The following ADAMTS19 variants were observed in gnomAD, a reference collection of about 807,000 sequenced individuals.
ADAMTS19 encodes the protein ADAM metallopeptidase with thrombospondin type 1 motif 19, also known as A disintegrin and metalloproteinase with thrombospondin motifs 19.
In ADAMTS19, 93 loss-of-function variants were observed where a neutral mutation model predicts 153.3. The observed-to-expected ratio is 0.61, with a 90% CI of 0.51 to 0.72. The LOEUF (loss-of-function observed/expected upper bound fraction) is 0.72. Ranked by LOEUF, ADAMTS19 falls within the 30% of genes least tolerant of loss-of-function variation. The pLI, the probability that ADAMTS19 is intolerant of heterozygous loss-of-function variation, is 0.00. For missense variants in ADAMTS19, 1,482 were observed against 1,552.1 expected, an observed-to-expected ratio of 0.95 and a Z score of 0.76; for synonymous variants, 600 against 556.6, an observed-to-expected ratio of 1.08 and a Z score of -1.10.
At chr5:129,465,210 C>T (rs1749813220) in intron 2 of ADAMTS19, among the ~76,000 whole-genome samples, 1 of 151,676 alleles carries the variant, frequency 6.6e-6, no homozygotes, top group Non-Finnish European at 1.5e-5. Context: ...CTTTATGCTA[C>T]TTTAAAATCA....
chr5:129,650,553 C>T (rs544802499), intron 13 of ADAMTS19, among the ~76,000 whole-genome samples: 7 of 152,256 alleles, frequency 4.6e-5, no homozygotes, highest in Admixed American at 2.0e-4. Flanking sequence ...GTTAGCCTAA[C>T]GTAGGATACT....
intron 21 of ADAMTS19, among the ~76,000 whole-genome samples, chr5:129,727,134 A>G (rs1757240612): frequency 6.6e-6 from 1 of 152,212 alleles, no homozygotes; most frequent in African/African-American, 2.4e-5. Flanking sequence ...GGCATGGAAT[A>G]TAATAGGTAT....
intron 2 of ADAMTS19, among the ~76,000 whole-genome samples, chr5:129,465,558 AT>A (rs1361924501): frequency 6.6e-6 from 1 of 152,092 alleles, no homozygotes; most frequent in Non-Finnish European, 1.5e-5. Flanking sequence ...AAATTCAATT[AT>A]TTTTTATCTT....
chr5:129,587,304 A>G (rs1749858526), intron 7 of ADAMTS19, among the ~76,000 whole-genome samples: 1 of 150,866 alleles, frequency 6.6e-6, no homozygotes, highest in Non-Finnish European at 1.5e-5. Context: ...TGCATCTTTT[A>G]TCAATTTTGT....
intron 3 of ADAMTS19, among the ~76,000 whole-genome samples, chr5:129,511,193 G>A (rs1414795446): frequency 7.2e-5 from 11 of 151,892 alleles, no homozygotes; most frequent in African/African-American, 2.7e-4. Context: ...TATTAAGTTT[G>A]CTTGTCTTCA....
rs181587249 is a variant in ADAMTS19, at chr5:129,534,409, C to A, written c.1328+5732C>A. On this transcript the variant is annotated intron_variant, in intron 6 of 22. Transcript: ENST00000274487. ...AATCTCTGAATAGACCAATAACAGGCTCTGAAATTGAGGCAATAATTAATA... is the reference window on the plus strand; with the variant it reads ...AATCTCTGAATAGACCAATAACAGGATCTGAAATTGAGGCAATAATTAATA... Among the ~76,000 whole-genome samples, 678 of 152,166 alleles carry A rather than the reference C, an allele frequency of 4.5e-3. 6 individuals are homozygous for A. The highest frequency in any genetic ancestry group is 0.015 in the African/African-American group (628 of 41,504).
intron 21 of ADAMTS19, among the ~76,000 whole-genome samples, chr5:129,709,203 T>C (rs1756321933): frequency 6.6e-6 from 1 of 152,138 alleles, no homozygotes; most frequent in Admixed American, 6.5e-5. Flanking sequence ...TTTATGTTAA[T>C]GGGAATTCTA....
At chr5:129,492,295 G>C (rs867659134) in intron 2 of ADAMTS19, among the ~76,000 whole-genome samples, 11 of 152,208 alleles carry the variant, frequency 7.2e-5, no homozygotes, top group African/African-American at 2.6e-4. Context: ...CGAGAAATCT[G>C]ACCCCATGAT....
chr5:129,586,286 T>C (rs1232102105), intron 7 of ADAMTS19, among the ~76,000 whole-genome samples: 7 of 152,150 alleles, frequency 4.6e-5, no homozygotes, highest in Non-Finnish European at 7.4e-5. Context: ...TCATATAGAG[T>C]AGTTTCTCTG....
At chr5:129,510,061 A>T (rs1402049245) in intron 3 of ADAMTS19, among the ~76,000 whole-genome samples, 1 of 151,944 alleles carries the variant, frequency 6.6e-6, no homozygotes, top group Non-Finnish European at 1.5e-5. Context: ...CTGATCTAAG[A>T]AATATTTCCA....
In ADAMTS19 at chr5:129,475,233, T is replaced by C. The variant is rs572879503; in HGVS notation, c.747+13476T>C. On this transcript the variant is annotated intron_variant, in intron 2 of 22. Coordinates refer to ENST00000274487, the MANE Select transcript of ADAMTS19 (RefSeq NM_133638.6). ...TAATTTAAAGTTTTACATTCAATCC[T>C]ATGATTCATTAGCTTTTGTGTATGG... is the stretch of plus-strand genomic sequence containing the variant. Among the ~76,000 whole-genome samples, 7 of 152,306 alleles carry C rather than the reference T, an allele frequency of 4.6e-5. No homozygotes were observed. In the East Asian group the frequency reaches 1.2e-3, roughly 25 times the overall value.
intron 21 of ADAMTS19, among the ~76,000 whole-genome samples, chr5:129,728,125 A>G (rs1757282990): frequency 1.3e-5 from 2 of 152,184 alleles, no homozygotes; most frequent in East Asian, 3.9e-4. Context: ...GCTAAAAGAC[A>G]CTCCCACCAG....
chr5:129,641,275 G>A (rs27909), intron 10 of ADAMTS19, among the ~76,000 whole-genome samples: 25,019 of 151,790 alleles, frequency 0.16, 2,311 homozygotes, highest in East Asian at 0.31. Flanking sequence ...TAACATTTCC[G>A]TAGAAAAAAT....
intron 3 of ADAMTS19, among the ~76,000 whole-genome samples, chr5:129,524,697 A>C (rs1253378660): frequency 6.6e-6 from 1 of 151,850 alleles, no homozygotes; most frequent in Non-Finnish European, 1.5e-5. Context: ...GAAGTGGCAC[A>C]GCACATGTAC....
chr5:129,608,425 A>C (rs1751034674), intron 8 of ADAMTS19, among the ~76,000 whole-genome samples: 1 of 151,984 alleles, frequency 6.6e-6, no homozygotes, highest in African/African-American at 2.4e-5. Flanking sequence ...AATGTACAGC[A>C]TGATGACTAT....
chr5:129,683,901 AG>A (rs1754943199), intron 17 of ADAMTS19, among the ~76,000 whole-genome samples: 1 of 150,644 alleles, frequency 6.6e-6, no homozygotes. Context: ...GTAAGTACGA[AG>A]CTCCAGTCTT....
At position 129,461,293 on chromosome 5, in the gene ADAMTS19, G is replaced by C. The variant is rs1036164993; in HGVS notation, c.283G>C (p.Val95Leu). The C allele has an allele frequency of 6.2e-6, 8 of 1,292,734 alleles. No homozygotes were observed. The highest frequency in any genetic ancestry group is 7.8e-6 in the Non-Finnish European group (8 of 1,026,706). 80.1% of individuals were successfully genotyped at this position (1,292,734 alleles called of 1,614,324 possible). ...SSREVRSVAP[V>L]PLEEPVEGRS... ...ACGCGAGGTGCGCTCTGTGGCTCCG[G>C]TGCCTTTGGAGGAGCCCGTGGAGGG... The change falls in exon 2 of 23, where the codon GTG becomes CTG. Residue 95 changes from valine (V) to leucine (L), a missense_variant. By Grantham distance (32) the Val-to-Leu change is conservative. This residue lies in a region of ADAMTS19 where 866 missense variants were observed against 827.7 expected (regional missense o/e 1.05). Transcript: ENST00000274487. This position sits in a 1 kb window ranked among gnomAD's most constrained non-coding sequence, Gnocchi z 4.6.
At chr5:129,588,410 A>G (rs751338324) in intron 7 of ADAMTS19, among the ~76,000 whole-genome samples, 1 of 152,088 alleles carries the variant, frequency 6.6e-6, no homozygotes, top group Non-Finnish European at 1.5e-5. Context: ...ACATAATATG[A>G]ATCTTCTAAT....
At chr5:129,616,980 C>T (rs1164712319) in intron 8 of ADAMTS19, among the ~76,000 whole-genome samples, 5 of 152,010 alleles carry the variant, frequency 3.3e-5, no homozygotes, top group African/African-American at 1.2e-4. Flanking sequence ...ATTTGAGTCA[C>T]AGCTTCACCA....
Sources: allele counts gnomAD v4.1 joint callset (sites outside exome capture counted in the v4.1 genomes callset), GRCh38; gene constraint gnomAD v4.1.1; regional missense constraint gnomAD v4.1.1; non-coding constraint Gnocchi (gnomAD v3.1); transcripts MANE v1.5; gene names NCBI Gene and HGNC (gene_info 2026-07-23, HGNC 2026-07-21).